The following DNAH5 variants were observed in gnomAD, a reference collection of about 807,000 sequenced individuals.
DNAH5 encodes axonemal beta dynein heavy chain 5.
In DNAH5, 372 loss-of-function variants were observed where a neutral mutation model predicts 518.2. The observed-to-expected ratio is 0.72, with a 90% CI of 0.66 to 0.78. The LOEUF is 0.78. Ranked by LOEUF, DNAH5 falls within the 30% of genes least tolerant of loss-of-function variation. DNAH5 has a pLI of 0.00. For missense variants in DNAH5, 5,523 were observed against 5,687.0 expected, an observed-to-expected ratio of 0.97 and a Z score of 0.93; for synonymous variants, 2,039 against 2,025.9, an observed-to-expected ratio of 1.01 and a Z score of -0.17.
chr5:13,747,961 T>C (rs1561165869), intron 65 of DNAH5, among the ~76,000 whole-genome samples: 1 of 152,232 alleles, frequency 6.6e-6, no homozygotes, highest in Non-Finnish European at 1.5e-5. Flanking sequence ...CCCATGCCTA[T>C]GTCCTGAATG....
intron 65 of DNAH5, among the ~76,000 whole-genome samples, chr5:13,742,826 T>A (rs1349940059): frequency 6.6e-6 from 1 of 152,030 alleles, no homozygotes; most frequent in Non-Finnish European, 1.5e-5. Flanking sequence ...AAAATACTAT[T>A]TGGAATCCCA....
At chr5:13,939,779 G>A (rs183812940) in intron 1 of DNAH5, among the ~76,000 whole-genome samples, 2 of 152,276 alleles carry the variant, frequency 1.3e-5, no homozygotes, top group Admixed American at 6.5e-5. Flanking sequence ...GGCCACAGCT[G>A]CAGAGGAAGC....
At chr5:13,733,536 T>C (rs1361768786) in intron 68 of DNAH5, among the ~76,000 whole-genome samples, 1 of 152,178 alleles carries the variant, frequency 6.6e-6, no homozygotes, top group African/African-American at 2.4e-5. Flanking sequence ...CAGAGACTCA[T>C]CTGTCACTTA....
At chr5:13,911,292 C>G in intron 12 of DNAH5, 94 bp downstream of exon 12, 1 of 946,386 alleles carries the variant, frequency 1.1e-6, no homozygotes, top group Non-Finnish European at 1.7e-6. Flanking sequence ...ATGAAGATAC[C>G]TCTGCCTTCT....
intron 3 of DNAH5, among the ~76,000 whole-genome samples, chr5:13,924,521 C>A (rs1209694325): frequency 1.3e-5 from 2 of 151,386 alleles, no homozygotes; most frequent in African/African-American, 2.4e-5. Flanking sequence ...ACCAAAAATA[C>A]AAAATTAGCC....
chr5:13,735,006 C>A (rs894660919), intron 68 of DNAH5, 125 bp downstream of exon 68: 62 of 823,394 alleles, frequency 7.5e-5, no homozygotes, highest in Non-Finnish European at 1.2e-4. Flanking sequence ...AATAAAATAT[C>A]TCATCTAAAT....
rs766072810 is a variant in DNAH5, at chr5:13,900,272, G to A, written c.2193C>T (p.Val731=). 5.0e-6 allele frequency: 8 copies of A among 1,614,156 alleles called. No homozygotes were observed. The highest frequency in any genetic ancestry group is 6.8e-6 in the Non-Finnish European group (8 of 1,180,010). The change falls in exon 15 of 79, where the codon GTC becomes GTT. Residue 731 remains valine, a synonymous_variant. Coordinates refer to ENST00000265104, the MANE Select transcript of DNAH5 (RefSeq NM_001369.3). ...TECMAQMGLE[V]SPLATSLFQK... ...GGAAGAGGGAAGTTGCCAGTGGAGA[G>A]ACTTCCAGACCCATCTGGGCCATGC...
At position 13,769,595 on chromosome 5, in the gene DNAH5, T is replaced by C. The variant is rs201473584; in HGVS notation, c.9626A>G (p.Lys3209Arg). Residue 3209 changes from lysine to arginine, a missense_variant, in exon 57 of 79, where the codon AAG becomes AGG. By Grantham distance (26) the Lys-to-Arg change is conservative (BLOSUM62 2). Coordinates refer to ENST00000265104, the MANE Select transcript of DNAH5 (RefSeq NM_001369.3). ...LANRMNTGLE[K>R]LKEASESVAA... ...AACAGACTCTGAAGCTTCTTTGAGC[T>C]TTTCCAATCCAGTATTCATTCTGGG... 33 of 1,613,986 alleles carry C rather than the reference T, an allele frequency of 2.0e-5. No homozygotes were observed. In the African/African-American group the frequency reaches 3.2e-4, roughly 16 times the overall value.
At chr5:13,727,081 C>G (rs545294619) in intron 70 of DNAH5, among the ~76,000 whole-genome samples, 1 of 152,186 alleles carries the variant, frequency 6.6e-6, no homozygotes, top group Non-Finnish European at 1.5e-5. Context: ...ACGGTTTGGG[C>G]ACACTGTCCT....
intron 50 of DNAH5, among the ~76,000 whole-genome samples, chr5:13,790,639 C>G (rs1297841174): frequency 2.0e-5 from 3 of 152,176 alleles, no homozygotes; most frequent in African/African-American, 7.2e-5. Context: ...GGCTCTTCCC[C>G]TTTTGCTCCA....
At chr5:13,703,798 A>C (rs1195890248) in intron 76 of DNAH5, among the ~76,000 whole-genome samples, 2 of 152,188 alleles carry the variant, frequency 1.3e-5, no homozygotes, top group African/African-American at 2.4e-5. Flanking sequence ...TGGCTGTTTC[A>C]GAGACACATT....
In DNAH5 at chr5:13,769,034, T is replaced by G. The variant is rs1172460177; in HGVS notation, c.9823A>C (p.Lys3275Gln). 6.2e-7 allele frequency: 1 copy of G among 1,614,262 alleles called. No homozygotes were observed. ...TTTTCTTCAGCAATGGCTTTGTCTT[T>G]AGAGATGCTGTCCACAATGGCCTGG... ...RAQAIVDSIS[K>Q]DKAIAEEKLE... The change falls in exon 58 of 79, where the codon AAA becomes CAA. Residue 3275 changes from lysine (K) to glutamine (Q), a missense_variant. Physicochemically the swap from Lys to Gln is moderately conservative, Grantham distance 53. This residue lies in a region of DNAH5 where 5,121 missense variants were observed against 5,223.3 expected (regional missense o/e 0.98). Transcript: ENST00000265104.
intron 38 of DNAH5, among the ~76,000 whole-genome samples, chr5:13,828,225 G>A (rs541423728): frequency 7.2e-5 from 11 of 152,326 alleles, no homozygotes; most frequent in African/African-American, 2.2e-4. Flanking sequence ...GAACTTTTTA[G>A]TAGGAATGTA....
Position 13,792,127 on chromosome 5 carries a change from C to G in DNAH5, c.8315G>C (p.Arg2772Pro). 2 of 1,613,938 alleles carry G rather than the reference C, an allele frequency of 1.2e-6. No individual in the cohort carries two copies. The highest frequency in any genetic ancestry group is 8.5e-7 in the Non-Finnish European group (1 of 1,179,972). ...SVTKLVPLTR[R>P]LWQMTKIKML... ...TTTAATCTTGGTCATCTGCCATAGTCGGCGTGTCAGAGGCACCAATTTTGT... is the reference window on the plus strand; with the variant it reads ...TTTAATCTTGGTCATCTGCCATAGTGGGCGTGTCAGAGGCACCAATTTTGT... The change falls in exon 50 of 79, where the codon CGA becomes CCA. Residue 2772 changes from arginine to proline, a missense_variant. Arg to Pro is a moderately radical substitution (Grantham distance 103). Coordinates refer to ENST00000265104, the MANE Select transcript of DNAH5 (RefSeq NM_001369.3).
At chr5:13,944,692 G>C (rs999377839), upstream of DNAH5, 12 of 539,380 alleles carry the variant, frequency 2.2e-5, no homozygotes, top group African/African-American at 3.8e-5. Context: ...TGTTGTTAGG[G>C]TAATATTGTT....
At chr5:13,782,664 G>T (rs1755356052) in intron 52 of DNAH5, among the ~76,000 whole-genome samples, 1 of 152,190 alleles carries the variant, frequency 6.6e-6, no homozygotes, top group African/African-American at 2.4e-5. Flanking sequence ...GATATATCAA[G>T]ATGTTGTTAA....
intron 51 of DNAH5, 102 bp downstream of exon 51, chr5:13,788,614 A>C: frequency 1.0e-6 from 1 of 979,690 alleles, no homozygotes; most frequent in Non-Finnish European, 1.6e-6. Context: ...AATAAAGTTT[A>C]CTAGAAAGAA....
At chr5:13,758,276 G>T (rs2126724762) in intron 61 of DNAH5, among the ~76,000 whole-genome samples, 1 of 152,230 alleles carries the variant, frequency 6.6e-6, no homozygotes. Flanking sequence ...GCCGAGGCAG[G>T]TGTATCACTT....
Position 13,737,270 on chromosome 5 carries a change from G to A in DNAH5, c.11437C>T (p.Arg3813Trp), listed in dbSNP as rs140948493. Residue 3813 changes from arginine (R) to tryptophan (W), a missense_variant, in exon 66 of 79, where the codon CGG (arginine) becomes TGG (tryptophan). Arg to Trp is a moderately radical substitution (Grantham distance 101). Coordinates refer to ENST00000265104, the MANE Select transcript of DNAH5 (RefSeq NM_001369.3). The stretch of plus-strand genomic sequence containing the variant: ...AACTCACCAGGTCTGTATTCCTCCC[G>A]GGCTGAGTTAATTTGAACTTCTGTC... ...AETEVQINSA[R>W]EEYRPVATRG... The A allele has an allele frequency of 1.4e-3, 2,319 of 1,613,698 alleles. 3 individuals are homozygous for A. The highest frequency in any genetic ancestry group is 1.6e-3 in the Non-Finnish European group (1,945 of 1,179,932).
Sources: gnomAD v4.1 joint callset for allele counts (sites outside exome capture counted in the v4.1 genomes callset) on GRCh38, gnomAD v4.1.1 for gene constraint, gnomAD v4.1.1 regional missense constraint, MANE v1.5 for transcripts, NCBI Gene and HGNC (gene_info 2026-07-23, HGNC 2026-07-21) for gene names.